Variants in PCDH15 observed in about 807,000 individuals in gnomAD.
PCDH15 encodes the protein protocadherin-15.
In PCDH15, 129 loss-of-function variants were observed where a neutral mutation model predicts 178.5. That is an observed-to-expected ratio of 0.72 (90% CI 0.63 to 0.84). PCDH15 has a LOEUF of 0.84. Among genes scored for constraint, PCDH15 ranks in the 40% least tolerant of loss-of-function variants. The pLI, the probability that PCDH15 is intolerant of heterozygous loss-of-function variation, is 0.00. For missense variants in PCDH15, 2,230 were observed against 2,099.9 expected, an observed-to-expected ratio of 1.06 and a Z score of -1.21; for synonymous variants, 800 against 732.0, an observed-to-expected ratio of 1.09 and a Z score of -1.50.
chr10:55,542,401 A>T (rs1256316927), intron 2 of PCDH15, among the ~76,000 whole-genome samples: 1 of 151,030 alleles, frequency 6.6e-6, no homozygotes, highest in Non-Finnish European at 1.5e-5. Context: ...ACATGGATAC[A>T]TATGTATATG....
At chr10:55,145,662 T>C (rs1359635705) in intron 2 of PCDH15, among the ~76,000 whole-genome samples, 1 of 152,020 alleles carries the variant, frequency 6.6e-6, no homozygotes, top group Non-Finnish European at 1.5e-5. Context: ...TTTATATCAT[T>C]AGTCATATCA....
chr10:54,095,026 A>G (rs1194268219), intron 15 of PCDH15, among the ~76,000 whole-genome samples: 1 of 152,222 alleles, frequency 6.6e-6, no homozygotes, highest in Non-Finnish European at 1.5e-5. Context: ...ATACCGTCTG[A>G]TAGAGTGCAT....
At chr10:54,790,226 A>G (rs1046716760) in intron 1 of PCDH15, among the ~76,000 whole-genome samples, 8 of 151,794 alleles carry the variant, frequency 5.3e-5, no homozygotes, top group African/African-American at 1.9e-4. Flanking sequence ...CCTGCTGACA[A>G]GCTCTGCTCA....
At position 54,329,651 on chromosome 10, in the gene PCDH15, C is replaced by A; in HGVS notation, c.650G>T (p.Arg217Met). 1.9e-6 allele frequency: 3 copies of A among 1,609,636 alleles called. No individual in the cohort carries two copies. Among genetic ancestry groups the A allele is most frequent in the Non-Finnish European group, 2.6e-6 (3 of 1,176,328 alleles). ...CTTATCTTCATAGTTGAGCCTCTTC[C>A]TTAACACTATATTTCCAGTCAACAT... Reference protein sequence around the residue: ...PLMLTGNIVLRKRLNYEDKTR... With the variant: ...PLMLTGNIVLMKRLNYEDKTR... The change falls in exon 7 of 38, where the codon AGG (arginine) becomes ATG (methionine). Residue 217 changes from arginine to methionine, a missense_variant. By Grantham distance (91) the Arg-to-Met change is moderately conservative. Coordinates refer to ENST00000644397, the MANE Select transcript of PCDH15 (RefSeq NM_001384140.1).
chr10:54,876,367 C>A (rs1186418821), intron 3 of PCDH15, among the ~76,000 whole-genome samples: 1 of 152,132 alleles, frequency 6.6e-6, no homozygotes, highest in African/African-American at 2.4e-5. Context: ...CATTCTGCAG[C>A]CCATAAATCA....
intron 2 of PCDH15, among the ~76,000 whole-genome samples, chr10:55,351,297 T>A (rs894463414): frequency 6.6e-5 from 10 of 151,948 alleles, no homozygotes; most frequent in African/African-American, 2.4e-4. Flanking sequence ...ATTTTTCTAT[T>A]TGAAATTGGC....
chr10:55,264,547 A>G (rs531252232), intron 1 of PCDH15, among the ~76,000 whole-genome samples: 1 of 152,058 alleles, frequency 6.6e-6, no homozygotes, highest in Non-Finnish European at 1.5e-5. Flanking sequence ...GATAGGGAGG[A>G]CGCTTGCTTT....
At chr10:55,231,348 C>G (rs569301681) in intron 1 of PCDH15, among the ~76,000 whole-genome samples, 3 of 151,944 alleles carry the variant, frequency 2.0e-5, no homozygotes, top group African/African-American at 7.3e-5. Flanking sequence ...TACAAAGAGT[C>G]TTGCATACTG....
chr10:54,929,959 T>C (rs1343053812), intron 2 of PCDH15, among the ~76,000 whole-genome samples: 1 of 152,192 alleles, frequency 6.6e-6, no homozygotes, highest in African/African-American at 2.4e-5. Flanking sequence ...GTTTACTTTT[T>C]AATGAGAAGT....
intron 3 of PCDH15, among the ~76,000 whole-genome samples, chr10:54,421,008 G>A (rs1415218661): frequency 2.0e-5 from 3 of 151,942 alleles, no homozygotes; most frequent in South Asian, 2.1e-4. Flanking sequence ...CACGAAAAAA[G>A]CTTTTCGCTT....
intron 2 of PCDH15, among the ~76,000 whole-genome samples, chr10:55,592,054 C>T (rs1230043722): frequency 2.0e-5 from 3 of 152,082 alleles, no homozygotes; most frequent in East Asian, 1.9e-4. Flanking sequence ...ATATACATAA[C>T]GTATTTCTAG....
Position 54,198,722 on chromosome 10 carries a change from C to T in PCDH15, c.1099-2833G>A, listed in dbSNP as rs1357962999. Among the ~76,000 whole-genome samples the T allele has an allele frequency of 6.3e-5, 6 of 95,158 alleles. No individual in the cohort carries two copies. In the East Asian group the frequency reaches 7.2e-4, roughly 11 times the overall value. 62.4% of individuals were successfully genotyped at this position (95,158 alleles called of 152,430 possible). ...TTCACCGTTTTAGCCGGGATGGTCT[C>T]GATCTCCTGACCTCGTGATCCGCCC... On this transcript the variant is annotated intron_variant, in intron 10 of 37. Coordinates refer to ENST00000644397, the MANE Select transcript of PCDH15 (RefSeq NM_001384140.1).
chr10:54,510,948 C>A (rs1020333959), intron 3 of PCDH15, among the ~76,000 whole-genome samples: 1 of 152,082 alleles, frequency 6.6e-6, no homozygotes, highest in African/African-American at 2.4e-5. Context: ...ACATCGACCA[C>A]TGGTGAACAA....
intron 2 of PCDH15, among the ~76,000 whole-genome samples, chr10:55,453,719 G>A (rs1424970093): frequency 6.6e-6 from 1 of 152,048 alleles, no homozygotes; most frequent in Non-Finnish European, 1.5e-5. Context: ...ACAAGTGACT[G>A]CAAACACTCT....
chr10:54,183,353 T>G (rs2048181453), intron 13 of PCDH15, 91 bp downstream of exon 13: 2 of 1,242,182 alleles, frequency 1.6e-6, no homozygotes. Flanking sequence ...AATCAATTTC[T>G]GTTTCTTAAG....
In PCDH15 at chr10:55,344,958, C is replaced by A. The variant is rs114387114; in HGVS notation, c.-155-178307G>T. Among the ~76,000 whole-genome samples the A allele has an allele frequency of 5.6e-3, 853 of 152,024 alleles. 10 individuals carry two copies. The highest frequency in any genetic ancestry group is 0.02 in the African/African-American group (814 of 41,478). Reference sequence around the variant, plus strand: ...GCTACGTATTACAATAGTATTTTATCGACCCTCTTTATCTTCCTTTTGAAG... The same window carrying A: ...GCTACGTATTACAATAGTATTTTATAGACCCTCTTTATCTTCCTTTTGAAG... On this transcript the variant is annotated intron_variant, in intron 2 of 5. Transcript: ENST00000613346.
At position 53,805,797 on chromosome 10, in the gene PCDH15, T is replaced by G. The variant is rs548458404; in HGVS notation, c.*782A>C. The G allele has an allele frequency of 6.6e-6, 1 of 152,170 alleles. No homozygotes were observed. The highest frequency in any genetic ancestry group is 2.1e-4 in the South Asian group (1 of 4,824). 9.4% of individuals were successfully genotyped at this position (152,170 alleles called of 1,614,324 possible). ...GAACCTTTCTCACTTCCCTAAAAGCTTTTGCTAAGGGTGAGATTTCCATGT... is the reference window on the plus strand; with the variant it reads ...GAACCTTTCTCACTTCCCTAAAAGCGTTTGCTAAGGGTGAGATTTCCATGT... On this transcript the variant is annotated 3_prime_UTR_variant, in exon 38 of 38. Coordinates refer to ENST00000644397, the MANE Select transcript of PCDH15 (RefSeq NM_001384140.1).
intron 35 of PCDH15, 147 bp downstream of exon 35, chr10:53,816,092 T>C (rs931229109): frequency 5.1e-6 from 2 of 390,482 alleles, no homozygotes; most frequent in African/African-American, 4.1e-5. Context: ...TTTCTTTTTT[T>C]TGAAGTTATT....
chr10:54,744,795 G>A (rs549539705), intron 1 of PCDH15, among the ~76,000 whole-genome samples: 2 of 152,194 alleles, frequency 1.3e-5, no homozygotes, highest in South Asian at 2.1e-4. Flanking sequence ...TAATAAATAG[G>A]TTTTGAGTAA....
Sources: allele counts gnomAD v4.1 joint callset (sites outside exome capture counted in the v4.1 genomes callset), GRCh38; gene constraint gnomAD v4.1.1; transcripts MANE v1.5; gene names NCBI Gene and HGNC (gene_info 2026-07-23, HGNC 2026-07-21).